ZNF318: variants seen among roughly 807,000 people sequenced by gnomAD.
The protein encoded by ZNF318 is zinc finger protein 318.
A neutral mutation model predicts 124.2 loss-of-function variants in ZNF318; 51 were observed. The observed-to-expected ratio is 0.41, with a 90% CI of 0.33 to 0.52. The LOEUF (loss-of-function observed/expected upper bound fraction) is 0.52, where lower values mean the gene tolerates loss of function less well. Among genes scored for constraint, ZNF318 ranks in the 20% least tolerant of loss-of-function variants. The pLI is 0.23. For missense variants in ZNF318, 2,815 were observed against 2,811.2 expected (o/e 1.00, Z -0.03); for synonymous variants, 1,090 against 1,040.7 (o/e 1.05, Z -0.91).
intron 1 of ZNF318, chr6:43,368,572 C>T (rs1234124619): frequency 7.5e-6 from 6 of 804,676 alleles, no homozygotes; most frequent in African/African-American, 1.9e-5. Context: ...GCTTTTTCCC[C>T]TAAGATCCAG....
At chr6:43,348,702 G>T in intron 5 of ZNF318, 77 bp from the exon 6 acceptor site, 1 of 1,496,054 alleles carries the variant, frequency 6.7e-7, no homozygotes. Flanking sequence ...GCAATAATTT[G>T]TCAGGGCTTT....
intron 5 of ZNF318, among the ~76,000 whole-genome samples, chr6:43,348,897 G>A (rs1779488902): frequency 6.6e-6 from 1 of 152,150 alleles, no homozygotes; most frequent in Non-Finnish European, 1.5e-5. Context: ...AGCCGGGCAT[G>A]GGGGTGGGCG....
Position 43,355,138 on chromosome 6 carries a change from A to C in ZNF318, c.2196T>G (p.Phe732Leu), listed in dbSNP as rs751303069. Residue 732 changes from phenylalanine to leucine, a missense_variant, in exon 4 of 10, where the codon TTT becomes TTG. By Grantham distance (22) the Phe-to-Leu change is conservative. Transcript: ENST00000361428. The stretch of plus-strand genomic sequence containing the variant: ...TGCACCTGACTGCAACAGATGACTG[A>C]AACCCACTACCAACCACCTCTGGTC... ...ISGPEVVGSG[F>L]QSSVAVRCML... is the part of the protein sequence containing the mutation. The C allele has an allele frequency of 4.3e-5, 70 of 1,614,102 alleles. No individual in the cohort carries two copies. The highest frequency in any genetic ancestry group is 5.9e-5 in the Non-Finnish European group (70 of 1,180,048).
chr6:43,338,582 T>G lies in ZNF318; in HGVS notation c.5416A>C (p.Ile1806Leu). The change falls in exon 10 of 10, where the codon ATA (isoleucine) becomes CTA (leucine). Residue 1806 changes from isoleucine to leucine, a missense_variant. By Grantham distance (5) the Ile-to-Leu change is conservative (BLOSUM62 2). Around this residue, in one of 4 missense-constraint regions of ZNF318, gnomAD observed 927 missense variants for 820.6 expected, o/e 1.13. Coordinates refer to ENST00000361428, the MANE Select transcript of ZNF318 (RefSeq NM_014345.3). Reference sequence around the variant, plus strand: ...CCATGGTTCAAATTAGAATCATCTATGCTGTGGGGTCCAATGCTGGTACTT... The same window carrying G: ...CCATGGTTCAAATTAGAATCATCTAGGCTGTGGGGTCCAATGCTGGTACTT... ...GVSTSIGPHS[I>L]DDSNLNHGNR... 6.2e-7 allele frequency: 1 copy of G among 1,614,202 alleles called. No homozygotes were observed. The highest frequency in any genetic ancestry group is 1.3e-5 in the African/African-American group (1 of 75,062).
chr6:43,340,659 T>C, intron 9 of ZNF318, 131 bp downstream of exon 9: 4 of 1,506,634 alleles, frequency 2.7e-6, no homozygotes, highest in Non-Finnish European at 2.7e-6. Flanking sequence ...CCCACTAGGA[T>C]TGAGGAGAAC....
At chr6:43,351,375 A>AT (rs1316068862) in intron 5 of ZNF318, among the ~76,000 whole-genome samples, 1 of 152,238 alleles carries the variant, frequency 6.6e-6, no homozygotes, top group Admixed American at 6.5e-5. Context: ...CCTAATTTTG[A>AT]TAAGTGTATT....
In ZNF318 at chr6:43,348,298, T is replaced by C. The variant is rs201696580; in HGVS notation, c.3072+26A>G. On this transcript the variant is annotated intron_variant, in intron 6 of 9. Coordinates refer to ENST00000361428, the MANE Select transcript of ZNF318 (RefSeq NM_014345.3). ...GGAGTCTAAGGGAAAAAAAAGATGA[T>C]AGAAATGGAAAAATTGAGTTGTTAC... 102 of 1,580,936 alleles carry C rather than the reference T, an allele frequency of 6.5e-5. 1 individual carries two copies. The highest frequency in any genetic ancestry group is 5.9e-4 in the African/African-American group (43 of 73,090).
In ZNF318 at chr6:43,339,332, G is replaced by A. The variant is rs1779336975; in HGVS notation, c.4666C>T (p.Arg1556Ter). 2 of 1,614,082 alleles carry A rather than the reference G, an allele frequency of 1.2e-6. No individual in the cohort carries two copies. The highest frequency in any genetic ancestry group is 2.2e-5 in the East Asian group (1 of 44,878). The change falls in exon 10 of 10, where the codon CGA becomes TGA. Residue 1556 changes from arginine (R) to a stop codon, truncating the protein, a stop_gained. Coordinates refer to ENST00000361428, the MANE Select transcript of ZNF318 (RefSeq NM_014345.3). LOFTEE classifies it low-confidence loss of function (END_TRUNC). This position sits in a 1 kb window ranked among gnomAD's most constrained non-coding sequence, Gnocchi z 4.2. ...TTGGCTGTGGCTAAGCATGAATTTC[G>A]CTTCTCTAATTTTTTGGCTTGTTCA... ...FSEQAKKLEK[R>*]NSCLATANAK...
chr6:43,346,408 G>C (rs956790831), intron 6 of ZNF318, among the ~76,000 whole-genome samples: 1 of 151,646 alleles, frequency 6.6e-6, no homozygotes, highest in Non-Finnish European at 1.5e-5. Context: ...TTGAACCTGG[G>C]AGGCGGAGGT....
intron 5 of ZNF318, among the ~76,000 whole-genome samples, chr6:43,349,491 G>C (rs1779498160): frequency 6.6e-6 from 1 of 150,542 alleles, no homozygotes; most frequent in South Asian, 2.1e-4. Context: ...CTCTGAAAGT[G>C]CTGGGATACA....
At position 43,340,237 on chromosome 6, in the gene ZNF318, C is replaced by A; in HGVS notation, c.3761G>T (p.Gly1254Val). 6.2e-7 allele frequency: 1 copy of A among 1,614,100 alleles called. No homozygotes were observed. Among genetic ancestry groups the A allele is most frequent in the Non-Finnish European group, 8.5e-7 (1 of 1,180,032 alleles). Reference sequence around the variant, plus strand: ...CTCTTCTTTTAACTGGAGTTTGATGCCAGTGTTCCTTTTATTTTCAGCTTT... The same window carrying A: ...CTCTTCTTTTAACTGGAGTTTGATGACAGTGTTCCTTTTATTTTCAGCTTT... Reference protein sequence around the residue: ...PEKAENKRNTGIKLQLKEEVK... With the variant: ...PEKAENKRNTVIKLQLKEEVK... Residue 1254 changes from glycine (G) to valine (V), a missense_variant, in exon 10 of 10, where the codon GGC becomes GTC. Coordinates refer to ENST00000361428, the MANE Select transcript of ZNF318 (RefSeq NM_014345.3).
At chr6:43,357,009 T>G in intron 3 of ZNF318, 117 bp downstream of exon 3, 1 of 1,242,490 alleles carries the variant, frequency 8.0e-7, no homozygotes, top group Non-Finnish European at 1.1e-6. Flanking sequence ...TAGCTCACAA[T>G]GTCGGTCCAG....
chr6:43,358,509 G>A (rs1779642159), intron 2 of ZNF318, among the ~76,000 whole-genome samples: 1 of 144,776 alleles, frequency 6.9e-6, no homozygotes, highest in African/African-American at 2.6e-5. Context: ...TGATCAGCCC[G>A]CCTTGGCCTC....
At chr6:43,361,671 T>G (rs1457151067) in intron 2 of ZNF318, among the ~76,000 whole-genome samples, 3 of 152,244 alleles carry the variant, frequency 2.0e-5, no homozygotes, top group Non-Finnish European at 4.4e-5. Flanking sequence ...CCACAAGTCT[T>G]TAGAAGCCAA....
chr6:43,345,081 C>T (rs1361894273), intron 6 of ZNF318, among the ~76,000 whole-genome samples: 1 of 151,450 alleles, frequency 6.6e-6, no homozygotes, highest in Non-Finnish European at 1.5e-5. Flanking sequence ...CTCAACTCTA[C>T]AAAAATACAA....
chr6:43,343,012 G>T (rs1207674699), intron 6 of ZNF318, 133 bp from the exon 7 acceptor site: 2 of 714,988 alleles, frequency 2.8e-6, no homozygotes, highest in South Asian at 2.0e-5. Context: ...AGCTGCACAA[G>T]TTGGGGGGAA....
chr6:43,354,013 G>A (rs1779568673), intron 4 of ZNF318, among the ~76,000 whole-genome samples: 2 of 151,908 alleles, frequency 1.3e-5, no homozygotes, highest in African/African-American at 4.9e-5. Flanking sequence ...TGGCAGGGGA[G>A]GATCACTTGA....
rs1331578568 is a variant in ZNF318 at position 43,338,359 on chromosome 6, G to C, written c.5639C>G (p.Pro1880Arg). The C allele has an allele frequency of 6.2e-7, 1 of 1,614,162 alleles. No homozygotes were observed. The highest frequency in any genetic ancestry group is 1.1e-5 in the South Asian group (1 of 91,082). ...AGAAATTTTCACAGGTGTATCTTGTGGGTTGAGTAAAGACCTAGCTTCTGA... is the reference window on the plus strand; with the variant it reads ...AGAAATTTTCACAGGTGTATCTTGTCGGTTGAGTAAAGACCTAGCTTCTGA... Reference protein sequence around the residue: ...FLSEARSLLNPQDTPVKISAP... With the variant: ...FLSEARSLLNRQDTPVKISAP... The change falls in exon 10 of 10, where the codon CCA (proline) becomes CGA (arginine). Residue 1880 changes from proline (P) to arginine (R), a missense_variant. Pro to Arg is a moderately radical substitution (Grantham distance 103). Transcript: ENST00000361428.
rs1056168735 is a variant in ZNF318, at chr6:43,336,796, T to G, written c.*362A>C. On this transcript the variant is annotated 3_prime_UTR_variant, in exon 10 of 10. Transcript: ENST00000361428. ...TCAGCTGCCTCCATCCTCCCCCACA[T>G]TTCAGAAATGGCAGAGTCAAAGCCA... The G allele has an allele frequency of 1.3e-5, 2 of 153,234 alleles. No homozygotes were observed. The highest frequency in any genetic ancestry group is 4.8e-5 in the African/African-American group (2 of 41,446). The allele number at this position is 153,234 out of a possible 1,614,324, so 9.5% of individuals were successfully genotyped here.
Sources: allele counts gnomAD v4.1 joint callset (sites outside exome capture counted in the v4.1 genomes callset), GRCh38; gene constraint gnomAD v4.1.1; regional missense constraint gnomAD v4.1.1; non-coding constraint Gnocchi (gnomAD v3.1); transcripts MANE v1.5; gene names NCBI Gene and HGNC (gene_info 2026-07-23, HGNC 2026-07-21).